Variants in CDH23 observed in about 807,000 individuals in gnomAD.
CDH23 encodes the protein cadherin related 23.
In CDH23, 189 loss-of-function variants were observed where a neutral mutation model predicts 317.1. The ratio of observed to expected loss-of-function variants is 0.60; its 90% confidence interval spans 0.53 to 0.67. CDH23 has a LOEUF of 0.67. CDH23 is among the 30% of genes least tolerant of loss of function. The probability of loss-of-function intolerance (pLI) is 0.00; values close to 1 mark genes in which losing one functional copy is unlikely to be tolerated. For synonymous variants in CDH23, 1,839 were observed against 1,876.8 expected (o/e 0.98, Z 0.52); for missense variants, 4,401 against 4,592.4 (o/e 0.96, Z 1.20).
In CDH23 at chr10:71,566,954, G is replaced by C. The variant is rs761870965; in HGVS notation, c.624+18G>C. ...ACGCCACAGTGAGTCTCCATGCTGG[G>C]GCCCCGGCCGTCCCAGCTGCCTCTT... On this transcript the variant is annotated intron_variant, in intron 7 of 69. Transcript: ENST00000224721. The C allele has an allele frequency of 5.6e-6, 9 of 1,605,982 alleles. No individual in the cohort carries two copies. The highest frequency in any genetic ancestry group is 4.5e-5 in the East Asian group (2 of 44,800).
At chr10:71,709,941 A>G (rs1263529793) in intron 27 of CDH23, among the ~76,000 whole-genome samples, 1 of 152,128 alleles carries the variant, frequency 6.6e-6, no homozygotes, top group East Asian at 1.9e-4. Context: ...GGTAGCACGC[A>G]AAGAGAGAAT....
intron 1 of CDH23, among the ~76,000 whole-genome samples, chr10:71,402,754 C>T (rs537397114): frequency 0.013 from 1,936 of 149,600 alleles, 17 homozygotes; most frequent in South Asian, 0.018. Context: ...TGCACGCGCG[C>T]GCGCGCACAT....
At chr10:71,808,114 G>A in intron 60 of CDH23, 107 bp downstream of exon 60, 3 of 1,380,654 alleles carry the variant, frequency 2.2e-6, no homozygotes, top group African/African-American at 1.4e-5. Flanking sequence ...CAGGATATGG[G>A]TGGCCCCCCA....
intron 11 of CDH23, among the ~76,000 whole-genome samples, chr10:71,618,690 C>T (rs972145876): frequency 7.2e-5 from 11 of 152,136 alleles, no homozygotes; most frequent in African/African-American, 2.4e-4. Flanking sequence ...AGCCAGTGAC[C>T]CACCCTGTTG....
rs1428094655 is a variant in CDH23, at chr10:71,807,317, A to G, written c.8219A>G (p.His2740Arg). Residue 2740 changes from histidine (H) to arginine (R), a missense_variant, in exon 58 of 70, where the codon CAC becomes CGC. His to Arg is a conservative substitution (Grantham distance 29). Coordinates refer to ENST00000224721, the MANE Select transcript of CDH23 (RefSeq NM_022124.6). Reference protein sequence around the residue: ...PQYQLLTVPEHSPRGTLVGNV... With the variant: ...PQYQLLTVPERSPRGTLVGNV... Reference sequence around the variant, plus strand: ...TACCAGCTGCTGACAGTGCCTGAGCACTCACCACGCGGCACCCTCGTGGGC... The same window carrying G: ...TACCAGCTGCTGACAGTGCCTGAGCGCTCACCACGCGGCACCCTCGTGGGC... The G allele has an allele frequency of 6.2e-7, 1 of 1,613,808 alleles. No individual in the cohort carries two copies. The highest frequency in any genetic ancestry group is 1.7e-5 in the Admixed American group (1 of 60,006).
chr10:71,453,800 G>C (rs1358763189), intron 3 of CDH23, among the ~76,000 whole-genome samples: 1 of 152,232 alleles, frequency 6.6e-6, no homozygotes, highest in Non-Finnish European at 1.5e-5. Context: ...AGGAATTGTG[G>C]GGCTAAAGGG....
rs192110540 is a variant in CDH23, at chr10:71,554,283, A to C, written c.430-12459A>C. Among the ~76,000 whole-genome samples the C allele has an allele frequency of 5.5e-3, 843 of 152,052 alleles. 3 individuals are homozygous for C. The highest frequency in any genetic ancestry group is 8.8e-3 in the Non-Finnish European group (599 of 67,982). ...TGCAGTCACAGCTCACTGCAGCCTC[A>C]ATGTCCTGGGCTCAAGCATTCTTCC... On this transcript the variant is annotated intron_variant, in intron 6 of 69. Transcript: ENST00000224721.
chr10:71,751,549 C>T lies in CDH23; in HGVS notation c.4845+9628C>T. On this transcript the variant is annotated intron_variant, in intron 38 of 69. Coordinates refer to ENST00000224721, the MANE Select transcript of CDH23 (RefSeq NM_022124.6). This position sits in a 1 kb window ranked among gnomAD's most constrained non-coding sequence, Gnocchi z 4.9. ...GGGCCCCTCTGTCCCTCACCCTCAA[C>T]CCCACCCCGTGAGGCCGTGGAACTC... 1 of 1,082,646 alleles carries T rather than the reference C, an allele frequency of 9.2e-7. No homozygotes were observed. Among genetic ancestry groups the T allele is most frequent in the Non-Finnish European group, 1.3e-6 (1 of 775,530 alleles). The allele number at this position is 1,082,646 out of a possible 1,614,324, so 67.1% of individuals were successfully genotyped here. A position where few individuals can be genotyped will look rare whatever the true frequency, so the allele number is the denominator to read the frequency against.
chr10:71,673,896 G>C (rs575407230), intron 14 of CDH23, among the ~76,000 whole-genome samples: 3 of 152,340 alleles, frequency 2.0e-5, no homozygotes, highest in Non-Finnish European at 4.4e-5. Flanking sequence ...GGGTTGGAGG[G>C]TGGTGACATG....
intron 1 of CDH23, among the ~76,000 whole-genome samples, chr10:71,414,691 G>A (rs998274899): frequency 1.9e-4 from 29 of 151,908 alleles, no homozygotes; most frequent in Non-Finnish European, 2.1e-4. Flanking sequence ...TTATAGTATC[G>A]AGTTCTGCTG....
chr10:71,720,775 T>C (rs1866521285), intron 28 of CDH23, among the ~76,000 whole-genome samples: 1 of 152,190 alleles, frequency 6.6e-6, no homozygotes, highest in African/African-American at 2.4e-5. Flanking sequence ...CTAACTCCTC[T>C]TCTGAGAGAA....
At chr10:71,545,444 G>A (rs1048592118) in intron 6 of CDH23, among the ~76,000 whole-genome samples, 1 of 152,214 alleles carries the variant, frequency 6.6e-6, no homozygotes, top group Admixed American at 6.5e-5. Context: ...CCCTGCAGGG[G>A]CTGATTTCTG....
chr10:71,624,491 CA>C (rs1861616468), intron 11 of CDH23, among the ~76,000 whole-genome samples: 1 of 152,150 alleles, frequency 6.6e-6, no homozygotes, highest in Admixed American at 6.5e-5. Flanking sequence ...GAGCGTCTAT[CA>C]GGATTAAATG....
chr10:71,556,593 A>AAAAG (rs2132329983), intron 6 of CDH23, among the ~76,000 whole-genome samples: 1 of 152,186 alleles, frequency 6.6e-6, no homozygotes, highest in South Asian at 2.1e-4. Flanking sequence ...CTCAAAAAAA[A>AAAAG]AAAAGAAAAG....
intron 3 of CDH23, among the ~76,000 whole-genome samples, chr10:71,448,681 A>G (rs1850289011): frequency 6.6e-6 from 1 of 152,044 alleles, no homozygotes; most frequent in African/African-American, 2.4e-5. Flanking sequence ...TCATTTCAAC[A>G]ATGAGTGGGC....
chr10:71,721,181 G>A (rs1866538862), intron 28 of CDH23, among the ~76,000 whole-genome samples: 1 of 152,200 alleles, frequency 6.6e-6, no homozygotes, highest in Non-Finnish European at 1.5e-5. Flanking sequence ...CATGCTCTGG[G>A]CAACGTGGCT....
intron 38 of CDH23, among the ~76,000 whole-genome samples, chr10:71,746,908 A>G (rs746587251): frequency 2.3e-4 from 35 of 152,218 alleles, no homozygotes; most frequent in Non-Finnish European, 4.3e-4. Flanking sequence ...AGCTGGGGAC[A>G]CTGCTCTTGG....
Position 71,777,813 on chromosome 10 carries a change from T to C in CDH23, c.4979T>C (p.Leu1660Pro). The C allele has an allele frequency of 1.2e-6, 2 of 1,613,924 alleles. No individual in the cohort carries two copies. Among genetic ancestry groups the C allele is most frequent in the Non-Finnish European group, 1.7e-6 (2 of 1,179,848 alleles). The part of the protein sequence containing the change: ...LNTSLITIQA[L>P]DLDEGPNGTV... Reference sequence around the variant, plus strand: ...ACCAGCCTCATCACCATCCAGGCACTGGACCTGGATGAGGGTCCCAACGGC... The same window carrying C: ...ACCAGCCTCATCACCATCCAGGCACCGGACCTGGATGAGGGTCCCAACGGC... The change falls in exon 39 of 70, where the codon CTG (leucine) becomes CCG (proline). Residue 1660 changes from leucine (L) to proline (P), a missense_variant. Leu to Pro is a moderately conservative substitution (Grantham distance 98, BLOSUM62 -3). Transcript: ENST00000224721.
At chr10:71,460,457 C>G (rs1340262953) in intron 3 of CDH23, among the ~76,000 whole-genome samples, 3 of 152,220 alleles carry the variant, frequency 2.0e-5, no homozygotes, top group Non-Finnish European at 4.4e-5. Context: ...TTGATTTGGC[C>G]TTTGAAAGGA....
Sources: allele counts gnomAD v4.1 joint callset (sites outside exome capture counted in the v4.1 genomes callset), GRCh38; gene constraint gnomAD v4.1.1; non-coding constraint Gnocchi (gnomAD v3.1); transcripts MANE v1.5; gene names NCBI Gene and HGNC (gene_info 2026-07-23, HGNC 2026-07-21).